STAG1: variants seen among roughly 807,000 people sequenced by gnomAD.
STAG1 encodes STAG1 cohesin complex component, also known as cohesin subunit SA-1.
STAG1 carries 26 observed loss-of-function variants against 170.9 expected under a neutral mutation model. The observed-to-expected ratio is 0.15, with a 90% CI of 0.11 to 0.21. STAG1 has a LOEUF of 0.21. STAG1 is among the 10% of genes least tolerant of loss of function. STAG1 has a pLI of 1.00. For missense variants in STAG1, 964 were observed against 1,509.5 expected, an observed-to-expected ratio of 0.64 and a Z score of 5.99; for synonymous variants, 514 against 497.7, an observed-to-expected ratio of 1.03 and a Z score of -0.44.
chr3:136,750,805 A>G (rs748800872), intron 1 of STAG1, among the ~76,000 whole-genome samples: 3 of 152,216 alleles, frequency 2.0e-5, no homozygotes, highest in Non-Finnish European at 2.9e-5. Flanking sequence ...TTTCCATTCC[A>G]TATTTCCCTA....
chr3:136,683,579 T>C (rs1942415343), intron 1 of STAG1, among the ~76,000 whole-genome samples: 1 of 152,148 alleles, frequency 6.6e-6, no homozygotes, highest in African/African-American at 2.4e-5. Context: ...CGTGATTTTT[T>C]TTTTTAAACT....
intron 21 of STAG1, among the ~76,000 whole-genome samples, chr3:136,403,247 A>G (rs1313786802): frequency 6.7e-6 from 1 of 149,478 alleles, no homozygotes; most frequent in Non-Finnish European, 1.5e-5. Flanking sequence ...AAAAAAAAAA[A>G]AAAAAAGAAA....
chr3:136,564,440 A>G (rs1166609405), intron 5 of STAG1, among the ~76,000 whole-genome samples: 2 of 152,218 alleles, frequency 1.3e-5, no homozygotes, highest in African/African-American at 2.4e-5. Context: ...TGATAGGTAA[A>G]AAGAAATGGT....
intron 1 of STAG1, among the ~76,000 whole-genome samples, chr3:136,638,603 TA>T (rs898086968): frequency 6.6e-6 from 1 of 152,062 alleles, no homozygotes; most frequent in Non-Finnish European, 1.5e-5. Flanking sequence ...AGCTTTCTTT[TA>T]AAAAACAAAA....
intron 4 of STAG1, among the ~76,000 whole-genome samples, chr3:136,576,845 C>G (rs866892833): frequency 6.6e-6 from 1 of 152,156 alleles, no homozygotes; most frequent in Middle Eastern, 3.2e-3. Flanking sequence ...GTTAAGCAGA[C>G]AAGGGCACAG....
In STAG1 at chr3:136,350,708, AC is replaced by A. The variant is rs377255902; in HGVS notation, c.3066-1346del. ...AAGTTCTCCCTGGTGGCTGAGGCTG[AC>A]TATGAAGAAGAAACTGCAGCTGGAG... On this transcript the variant is annotated intron_variant, in intron 28 of 33. Coordinates refer to ENST00000383202, the MANE Select transcript of STAG1 (RefSeq NM_005862.3). 4.2e-4 allele frequency among the ~76,000 whole-genome samples: 64 copies of A among 152,336 alleles called. 2 individuals carry two copies. In the East Asian group the frequency reaches 0.011, roughly 26 times the overall value.
intron 3 of STAG1, among the ~76,000 whole-genome samples, chr3:136,614,932 C>T (rs912403276): frequency 6.6e-6 from 1 of 151,778 alleles, no homozygotes; most frequent in Non-Finnish European, 1.5e-5. Context: ...TATACATACA[C>T]AATTAAAAGA....
intron 3 of STAG1, among the ~76,000 whole-genome samples, chr3:136,604,842 G>A (rs985538209): frequency 6.6e-6 from 1 of 152,076 alleles, no homozygotes; most frequent in Non-Finnish European, 1.5e-5. Flanking sequence ...TAGAGACGGA[G>A]TTTCACCATG....
At chr3:136,418,860 T>C (rs1466884621) in intron 20 of STAG1, among the ~76,000 whole-genome samples, 1 of 152,062 alleles carries the variant, frequency 6.6e-6, no homozygotes, top group Non-Finnish European at 1.5e-5. Flanking sequence ...AGGCTGGTCT[T>C]GAACTCCTGG....
chr3:136,357,311 A>G (rs991663552), intron 28 of STAG1, among the ~76,000 whole-genome samples: 1 of 152,166 alleles, frequency 6.6e-6, no homozygotes, highest in African/African-American at 2.4e-5. Context: ...TTGAAATTAC[A>G]TATATATTTC....
At position 136,621,047 on chromosome 3, in the gene STAG1, G is replaced by A. The variant is rs544783352; in HGVS notation, c.132+2099C>T. ...GGAGGCTGAGGCAGAAGAATCACTTGAACCCAGGAGGCACGGGTTGCAGTG... is the reference window on the plus strand; with the variant it reads ...GGAGGCTGAGGCAGAAGAATCACTTAAACCCAGGAGGCACGGGTTGCAGTG... On this transcript the variant is annotated intron_variant, in intron 3 of 33. Transcript: ENST00000383202. 5.9e-5 allele frequency among the ~76,000 whole-genome samples: 9 copies of A among 152,054 alleles called. No homozygotes were observed. In the South Asian group the frequency reaches 1.5e-3, roughly 25 times the overall value.
At chr3:136,411,944 C>T (rs1015235782) in intron 21 of STAG1, among the ~76,000 whole-genome samples, 5 of 152,024 alleles carry the variant, frequency 3.3e-5, no homozygotes, top group East Asian at 1.9e-4. Context: ...TGGACCACCA[C>T]GCCCGGCTAA....
intron 6 of STAG1, among the ~76,000 whole-genome samples, chr3:136,523,606 C>A (rs1934816759): frequency 6.6e-6 from 1 of 152,062 alleles, no homozygotes; most frequent in African/African-American, 2.4e-5. Context: ...TAATTAGATC[C>A]CATTTGTCAG....
chr3:136,669,064 G>A (rs181281762), intron 1 of STAG1, among the ~76,000 whole-genome samples: 104 of 152,232 alleles, frequency 6.8e-4, no homozygotes, highest in African/African-American at 2.2e-3. Flanking sequence ...TCCTTCAACC[G>A]CAACAGCTCT....
At chr3:136,508,772 A>G (rs758444057) in intron 7 of STAG1, among the ~76,000 whole-genome samples, 7 of 152,238 alleles carry the variant, frequency 4.6e-5, no homozygotes, top group Non-Finnish European at 1.0e-4. Flanking sequence ...CTCCTGTCTG[A>G]TTTCCAGCTT....
intron 6 of STAG1, among the ~76,000 whole-genome samples, chr3:136,523,686 T>C (rs549791097): frequency 5.3e-5 from 8 of 152,296 alleles, no homozygotes; most frequent in South Asian, 2.1e-4. Context: ...ATGTCCTGAG[T>C]GGTATTGCCT....
chr3:136,439,424 A>ACACACAC (rs1553721555), intron 15 of STAG1, among the ~76,000 whole-genome samples: 4 of 144,008 alleles, frequency 2.8e-5, no homozygotes, highest in Non-Finnish European at 4.6e-5. Context: ...ACACACACAC[A>ACACACAC]CACACACACA....
intron 3 of STAG1, among the ~76,000 whole-genome samples, chr3:136,619,105 T>C (rs1485057002): frequency 1.3e-5 from 2 of 151,864 alleles, no homozygotes; most frequent in Non-Finnish European, 2.9e-5. Context: ...AATGCTAACA[T>C]TAGGACAATG....
intron 15 of STAG1, among the ~76,000 whole-genome samples, chr3:136,436,876 CT>C (rs2107752081): frequency 6.6e-6 from 1 of 152,196 alleles, no homozygotes; most frequent in South Asian, 2.1e-4. Flanking sequence ...TAACAATTGT[CT>C]TTTAAAAAAA....
Sources: gnomAD v4.1 joint callset for allele counts (sites outside exome capture counted in the v4.1 genomes callset) on GRCh38, gnomAD v4.1.1 for gene constraint, MANE v1.5 for transcripts, NCBI Gene and HGNC (gene_info 2026-07-23, HGNC 2026-07-21) for gene names.